Variants in CDH18 observed in about 807,000 individuals in gnomAD.
CDH18 encodes cadherin 18.
CDH18 carries 31 observed loss-of-function variants against 67.9 expected under a neutral mutation model. The ratio of observed to expected loss-of-function variants is 0.46; its 90% CI spans 0.34 to 0.62. The LOEUF (loss-of-function observed/expected upper bound fraction) is 0.62. Among genes scored for constraint, CDH18 ranks in the 20% least tolerant of loss-of-function variants. The pLI is 0.01. For synonymous variants in CDH18, 362 were observed against 347.2 expected (o/e 1.04, Z -0.48); for missense variants, 890 against 975.5 (o/e 0.91, Z 1.17).
intron 2 of CDH18, among the ~76,000 whole-genome samples, chr5:19,925,630 G>A (rs1296735049): frequency 6.6e-6 from 1 of 152,038 alleles, no homozygotes; most frequent in Non-Finnish European, 1.5e-5. Flanking sequence ...TGGGATCACA[G>A]GTGCCTGCCA....
intron 5 of CDH18, among the ~76,000 whole-genome samples, chr5:19,671,359 T>C (rs1257368854): frequency 6.6e-6 from 1 of 152,178 alleles, no homozygotes; most frequent in Non-Finnish European, 1.5e-5. Flanking sequence ...CATAAAAGTA[T>C]TGTTTTCCAT....
intron 6 of CDH18, among the ~76,000 whole-genome samples, chr5:19,611,897 T>C (rs1326635223): frequency 1.3e-5 from 2 of 151,700 alleles, no homozygotes; most frequent in African/African-American, 2.4e-5. Flanking sequence ...TCTTATATTT[T>C]ACTCTGAGAC....
At chr5:19,782,653 G>C (rs533331090) in intron 3 of CDH18, among the ~76,000 whole-genome samples, 2 of 152,112 alleles carry the variant, frequency 1.3e-5, no homozygotes, top group Admixed American at 1.3e-4. Flanking sequence ...TTACATGAGC[G>C]CACTTAGACT....
At chr5:20,305,801 A>G (rs1736394339) in intron 1 of CDH18, 1 of 243,338 alleles carries the variant, frequency 4.1e-6, no homozygotes, top group African/African-American at 2.4e-5. Context: ...AACCAATTCG[A>G]AAAAAAGGGA....
chr5:20,312,782 A>G (rs1446673912), intron 1 of CDH18, among the ~76,000 whole-genome samples: 3 of 152,036 alleles, frequency 2.0e-5, no homozygotes, highest in Non-Finnish European at 4.4e-5. Context: ...ATCTATTACT[A>G]TTTTTCAAAT....
chr5:19,806,648 TG>T (rs1778061320), intron 3 of CDH18, among the ~76,000 whole-genome samples: 1 of 152,220 alleles, frequency 6.6e-6, no homozygotes, highest in Non-Finnish European at 1.5e-5. Flanking sequence ...GAATTCATAA[TG>T]CATTATATAG....
At chr5:20,265,481 A>G (rs1215541261) in intron 1 of CDH18, among the ~76,000 whole-genome samples, 1 of 152,056 alleles carries the variant, frequency 6.6e-6, no homozygotes, top group Non-Finnish European at 1.5e-5. Flanking sequence ...TAAAAGTTCC[A>G]GTTTATTTCT....
intron 1 of CDH18, among the ~76,000 whole-genome samples, chr5:20,278,693 A>G (rs1561934041): frequency 6.6e-6 from 1 of 152,172 alleles, no homozygotes; most frequent in Non-Finnish European, 1.5e-5. Flanking sequence ...AATAATAACT[A>G]CAATACAAAG....
chr5:20,318,081 T>C (rs1318908753), intron 1 of CDH18, among the ~76,000 whole-genome samples: 1 of 152,152 alleles, frequency 6.6e-6, no homozygotes, highest in East Asian at 1.9e-4. Flanking sequence ...ATGGAGGTGC[T>C]ATTATGTTTT....
intron 1 of CDH18, among the ~76,000 whole-genome samples, chr5:20,275,766 C>T (rs75806964): frequency 0.039 from 5,961 of 152,176 alleles, 356 homozygotes; most frequent in East Asian, 0.28. Context: ...CTGGTTTTAA[C>T]TTCTTATCAC....
chr5:20,225,918 A>G (rs1741589099), intron 2 of CDH18, among the ~76,000 whole-genome samples: 1 of 152,012 alleles, frequency 6.6e-6, no homozygotes, highest in Non-Finnish European at 1.5e-5. Flanking sequence ...TTGTAAATGG[A>G]CGGATGACTA....
intron 2 of CDH18, among the ~76,000 whole-genome samples, chr5:19,919,647 T>C (rs1033554905): frequency 2.6e-5 from 4 of 152,238 alleles, no homozygotes; most frequent in African/African-American, 9.6e-5. Flanking sequence ...GGAATTTGTC[T>C]TTCTAGTAGA....
chr5:20,366,150 C>A (rs1742501670), intron 1 of CDH18, among the ~76,000 whole-genome samples: 1 of 152,118 alleles, frequency 6.6e-6, no homozygotes, highest in African/African-American at 2.4e-5. Context: ...ATATTATAGT[C>A]ACCTCAAATT....
chr5:20,570,697 A>C (rs975148313), intron 1 of CDH18, among the ~76,000 whole-genome samples: 22 of 152,306 alleles, frequency 1.4e-4, no homozygotes, highest in African/African-American at 5.3e-4. Flanking sequence ...GGCTGGCTCA[A>C]GGATGAAGGT....
intron 2 of CDH18, among the ~76,000 whole-genome samples, chr5:19,905,644 T>C (rs1173623635): frequency 6.6e-6 from 1 of 152,022 alleles, no homozygotes; most frequent in Non-Finnish European, 1.5e-5. Flanking sequence ...TTTTTACCTA[T>C]ATATACTTGT....
intron 1 of CDH18, chr5:20,305,189 A>G (rs1736313024): frequency 2.1e-6 from 3 of 1,416,318 alleles, no homozygotes; most frequent in African/African-American, 2.8e-5. Context: ...TTTCCATTCG[A>G]CAGTCCTTCC....
At chr5:19,639,109 T>C (rs1228036936) in intron 5 of CDH18, among the ~76,000 whole-genome samples, 2 of 150,112 alleles carry the variant, frequency 1.3e-5, no homozygotes. Flanking sequence ...CTCACGCCAT[T>C]CTCCTGGCTC....
At chr5:19,856,169 G>T (rs1784261229) in intron 2 of CDH18, among the ~76,000 whole-genome samples, 1 of 152,220 alleles carries the variant, frequency 6.6e-6, no homozygotes, top group Non-Finnish European at 1.5e-5. Context: ...TTGGCAAGCA[G>T]CATCAGCTTC....
intron 3 of CDH18, among the ~76,000 whole-genome samples, chr5:19,827,618 A>C (rs562178824): frequency 6.6e-6 from 1 of 152,300 alleles, no homozygotes; most frequent in Admixed American, 6.5e-5. Context: ...GTGGAAAGTA[A>C]ACAGGCTACT....
Sources: allele counts gnomAD v4.1 joint callset (sites outside exome capture counted in the v4.1 genomes callset), GRCh38; gene constraint gnomAD v4.1.1; transcripts MANE v1.5; gene names NCBI Gene and HGNC (gene_info 2026-07-23, HGNC 2026-07-21).